The following KAZN variants were observed in gnomAD, a reference collection of about 807,000 sequenced individuals.
KAZN encodes the protein kazrin, periplakin interacting protein, also known as kazrin.
Under a neutral mutation model 87.4 loss-of-function variants are expected in KAZN, and 40 were observed. The observed-to-expected ratio is 0.46, with a 90% CI of 0.36 to 0.60. KAZN has a LOEUF of 0.60. Among genes scored for constraint, KAZN ranks in the 20% least tolerant of loss-of-function variants. The probability of loss-of-function intolerance (pLI) is 0.00; values close to 1 mark genes in which losing one functional copy is unlikely to be tolerated. For synonymous variants in KAZN, 466 were observed against 458.3 expected, an observed-to-expected ratio of 1.02 and a Z score of -0.22; for missense variants, 898 against 1,073.9, an observed-to-expected ratio of 0.84 and a Z score of 2.29.
At chr1:14,618,516 G>C (rs988799624) in intron 1 of KAZN, among the ~76,000 whole-genome samples, 1 of 152,214 alleles carries the variant, frequency 6.6e-6, no homozygotes, top group African/African-American at 2.4e-5. Context: ...ACACTAATAT[G>C]ATGGAGTACC....
In KAZN at chr1:14,657,781, G is replaced by A. The variant is rs1337139523; in HGVS notation, c.226+58558G>A. On this transcript the variant is annotated intron_variant, in intron 1 of 14. Transcript: ENST00000376030. The stretch of plus-strand genomic sequence containing the variant: ...CCCCCAGAGCACAGCCTGGAACCCA[G>A]TAGGCTCTCAGCAGAAATTGTGGAA... 2.0e-5 allele frequency among the ~76,000 whole-genome samples: 3 copies of A among 152,326 alleles called. No homozygotes were observed. The East Asian group carries it at 5.8e-4, about 29-fold the overall frequency.
chr1:14,444,656 C>T (rs367871402), intron 2 of KAZN, among the ~76,000 whole-genome samples: 27 of 152,186 alleles, frequency 1.8e-4, no homozygotes, highest in African/African-American at 4.8e-4. Flanking sequence ...CAATTCACCC[C>T]GACGTCTGGG....
intron 1 of KAZN, among the ~76,000 whole-genome samples, chr1:14,926,474 T>G (rs79388703): frequency 6.6e-6 from 1 of 152,178 alleles, no homozygotes; most frequent in Admixed American, 6.5e-5. Flanking sequence ...AAAACTCTTT[T>G]CCCAGTTTAC....
rs527672044 is a variant in KAZN, at chr1:15,099,165, G to C, written c.1548-2378G>C. Among the ~76,000 whole-genome samples the C allele has an allele frequency of 6.6e-6, 1 of 152,338 alleles. No individual in the cohort carries two copies. Among genetic ancestry groups the C allele is most frequent in the East Asian group, 1.9e-4 (1 of 5,190 alleles). On this transcript the variant is annotated intron_variant, in intron 10 of 14. Transcript: ENST00000376030. This position sits in a 1 kb window ranked among gnomAD's most constrained non-coding sequence, Gnocchi z 5.4. ...GACAAGGGGGTCCCAGTGGACCCAA[G>C]TGGTTCTGGGAGGCTGATGGGCAGA... is the stretch of plus-strand genomic sequence containing the variant.
At position 14,790,721 on chromosome 1, in the gene KAZN, TTTTG is replaced by T. The variant is rs374891179; in HGVS notation, c.227-169960_227-169957del. Among the ~76,000 whole-genome samples the T allele has an allele frequency of 6.7e-4, 102 of 152,268 alleles. 3 individuals are homozygous for T. In the South Asian group the frequency reaches 0.02, roughly 29 times the overall value. ...ATTGGAGGAATCCGGTGACTTCTTTTTTTGTTCTGTTGCTGAGGCAGAGTGCAGT... is the reference window on the plus strand; with the variant it reads ...ATTGGAGGAATCCGGTGACTTCTTTTTTCTGTTGCTGAGGCAGAGTGCAGT... On this transcript the variant is annotated intron_variant, in intron 1 of 14. Coordinates refer to ENST00000376030, the MANE Select transcript of KAZN (RefSeq NM_201628.3).
At chr1:14,728,007 C>A (rs1051930366) in intron 1 of KAZN, among the ~76,000 whole-genome samples, 2 of 151,584 alleles carry the variant, frequency 1.3e-5, no homozygotes, top group Non-Finnish European at 2.9e-5. Flanking sequence ...TAATGCTGGC[C>A]GGGCGCGGTG....
At chr1:13,935,434 T>C (rs1640692526) in intron 1 of KAZN, among the ~76,000 whole-genome samples, 1 of 152,162 alleles carries the variant, frequency 6.6e-6, no homozygotes, top group African/African-American at 2.4e-5. Context: ...ACCCACTCAA[T>C]CTGGCAACAG....
chr1:14,691,004 T>C (rs1477790380), intron 1 of KAZN, among the ~76,000 whole-genome samples: 3 of 152,232 alleles, frequency 2.0e-5, no homozygotes, highest in Non-Finnish European at 4.4e-5. Flanking sequence ...AATTTACATT[T>C]TTATCTCAGG....
chr1:14,040,705 C>T (rs1641794038), intron 1 of KAZN, among the ~76,000 whole-genome samples: 1 of 151,830 alleles, frequency 6.6e-6, no homozygotes, highest in Non-Finnish European at 1.5e-5. Flanking sequence ...GCGGAGGTTG[C>T]GGTGAGCCGA....
At chr1:14,364,392 A>G (rs1659789139) in intron 2 of KAZN, among the ~76,000 whole-genome samples, 1 of 152,012 alleles carries the variant, frequency 6.6e-6, no homozygotes, top group Middle Eastern at 3.4e-3. Flanking sequence ...ATCGAATGGG[A>G]TAATGTTTGT....
chr1:14,846,390 A>G (rs1379036048), intron 1 of KAZN, among the ~76,000 whole-genome samples: 18 of 152,198 alleles, frequency 1.2e-4, no homozygotes, highest in Admixed American at 1.0e-3. Context: ...GAGAGAACAA[A>G]AAAAGGAAGG....
chr1:14,575,026 A>G (rs112526249), intron 2 of KAZN, among the ~76,000 whole-genome samples: 14,997 of 152,184 alleles, frequency 0.099, 799 homozygotes, highest in Non-Finnish European at 0.12. Flanking sequence ...ACATTTGAGG[A>G]TTCTGGTAGG....
At chr1:14,990,461 CAAT>C (rs1164098761) in intron 2 of KAZN, among the ~76,000 whole-genome samples, 2 of 152,182 alleles carry the variant, frequency 1.3e-5, no homozygotes, top group Non-Finnish European at 2.9e-5. Context: ...TGGGCTCAAG[CAAT>C]CCACCCGCCT....
chr1:14,154,953 TCTTCCTTCCTTCCTTC>T (rs77458563), intron 1 of KAZN, among the ~76,000 whole-genome samples: 9 of 134,794 alleles, frequency 6.7e-5, no homozygotes, highest in Non-Finnish European at 9.1e-5. Flanking sequence ...TTGTAGTTTT[TCTTCCTTCCTTCCTTC>T]CTTCCTTCCT....
At chr1:14,832,702 C>T (rs1647084829) in intron 1 of KAZN, among the ~76,000 whole-genome samples, 3 of 152,178 alleles carry the variant, frequency 2.0e-5, no homozygotes, top group African/African-American at 7.2e-5. Flanking sequence ...AATGCACAGC[C>T]CACGTGCCCT....
intron 1 of KAZN, among the ~76,000 whole-genome samples, chr1:13,895,468 C>T (rs1011582191): frequency 1.3e-5 from 2 of 152,106 alleles, no homozygotes; most frequent in Non-Finnish European, 2.9e-5. Context: ...TTTAAAAAAA[C>T]ATCCTTTATG....
At chr1:14,164,498 A>G (rs59486541) in intron 1 of KAZN, among the ~76,000 whole-genome samples, 32,847 of 146,078 alleles carry the variant, frequency 0.22, 3,984 homozygotes, top group South Asian at 0.33. Flanking sequence ...ATCTAGCCTC[A>G]AAAGTGATAC....
Position 14,164,594 on chromosome 1 carries a change from G to A in KAZN, c.92-15841G>A, listed in dbSNP as rs1034572853. 1.0e-4 allele frequency among the ~76,000 whole-genome samples: 14 copies of A among 140,406 alleles called. 1 individual carries two copies. Among genetic ancestry groups the A allele is most frequent in the Admixed American group, 5.2e-4 (7 of 13,354 alleles). 92.1% of individuals were successfully genotyped at this position (140,406 alleles called of 152,430 possible). On this transcript the variant is annotated intron_variant, in intron 1 of 16. Coordinates refer to the KAZN transcript ENST00000636203. Reference sequence around the variant, plus strand: ...TTGCTCTTGTTGCCCAGACTGGAGTGCAATGGCACGATCTCGGCTCACCAC... The same window carrying A: ...TTGCTCTTGTTGCCCAGACTGGAGTACAATGGCACGATCTCGGCTCACCAC...
chr1:14,312,507 C>T (rs1271009452), intron 2 of KAZN, among the ~76,000 whole-genome samples: 1 of 152,154 alleles, frequency 6.6e-6, no homozygotes, highest in African/African-American at 2.4e-5. Context: ...ATCTCTCTCA[C>T]CTGGTAGGAG....
Sources: allele counts gnomAD v4.1 joint callset (sites outside exome capture counted in the v4.1 genomes callset), GRCh38; gene constraint gnomAD v4.1.1; non-coding constraint Gnocchi (gnomAD v3.1); transcripts MANE v1.5; gene names NCBI Gene and HGNC (gene_info 2026-07-23, HGNC 2026-07-21).